BBX: variants seen among roughly 807,000 people sequenced by gnomAD.
BBX encodes HMG box transcription factor BBX.
A neutral mutation model predicts 100.2 loss-of-function variants in BBX; 30 were observed. That is an observed-to-expected ratio of 0.30 (90% CI 0.22 to 0.41). The LOEUF is 0.41. Ranked by LOEUF, BBX falls within the 10% of genes least tolerant of loss-of-function variation. The pLI, the probability that BBX is intolerant of heterozygous loss-of-function variation, is 1.00. For synonymous variants in BBX, 376 were observed against 388.1 expected (o/e 0.97, Z 0.37); for missense variants, 1,023 against 1,129.8 (o/e 0.91, Z 1.35).
intron 16 of BBX, among the ~76,000 whole-genome samples, chr3:107,800,439 A>T (rs529717089): frequency 6.6e-6 from 1 of 152,328 alleles, no homozygotes; most frequent in South Asian, 2.1e-4. Flanking sequence ...CAATTTTTTT[A>T]AAACTATGAT....
At chr3:107,650,378 C>T (rs569439271) in intron 3 of BBX, among the ~76,000 whole-genome samples, 1 of 152,038 alleles carries the variant, frequency 6.6e-6, no homozygotes, top group African/African-American at 2.4e-5. Context: ...AGTTTCATGC[C>T]CAAACCATCC....
Position 107,728,806 on chromosome 3 carries a change from G to T in BBX, c.447G>T (p.Trp149Cys), listed in dbSNP as rs377310696. The T allele has an allele frequency of 1.2e-6, 2 of 1,613,510 alleles. No homozygotes were observed. The highest frequency in any genetic ancestry group is 1.1e-5 in the South Asian group (1 of 91,026). ...TGAAAGCAAATCCTGGCTACAAATG[G>T]TGTCCTACCACAAACAAGCCTGTGA... is the stretch of plus-strand genomic sequence containing the variant. ...AFMKANPGYK[W>C]CPTTNKPVKS... The change falls in exon 6 of 18, where the codon TGG becomes TGT. Residue 149 changes from tryptophan to cysteine, a missense_variant. Coordinates refer to ENST00000325805, the MANE Select transcript of BBX (RefSeq NM_001142568.3).
intron 3 of BBX, among the ~76,000 whole-genome samples, chr3:107,692,577 T>G (rs1022648510): frequency 1.3e-5 from 2 of 152,168 alleles, no homozygotes; most frequent in Non-Finnish European, 2.9e-5. Context: ...TGTGCCACAT[T>G]TTCTTAATCC....
At position 107,806,573 on chromosome 3, in the gene BBX, G is replaced by C. The variant is rs2108078568; in HGVS notation, c.*1116G>C. On this transcript the variant is annotated 3_prime_UTR_variant, in exon 18 of 18. Coordinates refer to ENST00000325805, the MANE Select transcript of BBX (RefSeq NM_001142568.3). ...AGGTACTGAGTCAATGATGAGGGAG[G>C]TATGCCTGACCAGAGTGGGACTCTC... 6.6e-6 allele frequency: 1 copy of C among 152,288 alleles called. No homozygotes were observed. Among genetic ancestry groups the C allele is most frequent in the East Asian group, 1.9e-4 (1 of 5,188 alleles). The allele number at this position is 152,288 out of a possible 1,614,324, so 9.4% of individuals were successfully genotyped here.
chr3:107,779,579 G>A (rs776378783), intron 13 of BBX, among the ~76,000 whole-genome samples: 1 of 152,008 alleles, frequency 6.6e-6, no homozygotes, highest in Non-Finnish European at 1.5e-5. Context: ...GCTGCCTATT[G>A]CCTGCTTCAT....
At chr3:107,759,045 C>T (rs2065698099) in intron 10 of BBX, among the ~76,000 whole-genome samples, 1 of 152,236 alleles carries the variant, frequency 6.6e-6, no homozygotes, top group African/African-American at 2.4e-5. Flanking sequence ...ATATTTACTG[C>T]TGTGCCCTGT....
chr3:107,705,861 G>C (rs1406989086), intron 3 of BBX, among the ~76,000 whole-genome samples: 1 of 152,026 alleles, frequency 6.6e-6, no homozygotes, highest in Non-Finnish European at 1.5e-5. Context: ...GGTAGAGGCA[G>C]GATTCTAAAG....
chr3:107,779,294 C>T (rs2067630541), intron 13 of BBX, among the ~76,000 whole-genome samples: 1 of 151,684 alleles, frequency 6.6e-6, no homozygotes, highest in Admixed American at 6.6e-5. Flanking sequence ...AAACATCTTG[C>T]CCTTCAAGCA....
intron 2 of BBX, among the ~76,000 whole-genome samples, chr3:107,565,097 G>C (rs2050784084): frequency 6.6e-6 from 1 of 152,130 alleles, no homozygotes; most frequent in Non-Finnish European, 1.5e-5. Context: ...CATGATAAAG[G>C]GGATTTGTTT....
chr3:107,764,889 A>G (rs958338647), intron 10 of BBX, among the ~76,000 whole-genome samples: 1 of 152,178 alleles, frequency 6.6e-6, no homozygotes, highest in Non-Finnish European at 1.5e-5. Flanking sequence ...ATCCATGCAT[A>G]CATTTGTAAA....
At chr3:107,755,400 C>CT (rs1176075744) in intron 9 of BBX, among the ~76,000 whole-genome samples, 198 bp from the exon 10 acceptor site, 3 of 152,260 alleles carry the variant, frequency 2.0e-5, no homozygotes, top group Admixed American at 1.3e-4. Flanking sequence ...GCCATACCTA[C>CT]TTTTGTTATT....
At chr3:107,733,710 C>T (rs1198206568) in intron 7 of BBX, among the ~76,000 whole-genome samples, 1 of 152,136 alleles carries the variant, frequency 6.6e-6, no homozygotes, top group Non-Finnish European at 1.5e-5. Flanking sequence ...CTTCAGGGCT[C>T]AAGCGTCTTA....
At chr3:107,638,796 CA>C (rs2057018127) in intron 2 of BBX, among the ~76,000 whole-genome samples, 1 of 102,880 alleles carries the variant, frequency 9.7e-6, no homozygotes, top group Non-Finnish European at 2.2e-5. Context: ...CACACACACA[CA>C]CACACACACA....
intron 2 of BBX, among the ~76,000 whole-genome samples, chr3:107,643,503 G>A (rs1424536821): frequency 6.6e-6 from 1 of 152,050 alleles, no homozygotes; most frequent in Non-Finnish European, 1.5e-5. Context: ...CAGGAGTCAG[G>A]AAGCCAAGGC....
At chr3:107,647,657 G>A (rs895993206) in intron 3 of BBX, among the ~76,000 whole-genome samples, 1 of 152,146 alleles carries the variant, frequency 6.6e-6, no homozygotes, top group Non-Finnish European at 1.5e-5. Flanking sequence ...ATGTTACTTG[G>A]CAAAAGGATG....
intron 13 of BBX, among the ~76,000 whole-genome samples, chr3:107,779,006 TATATATATATATATAC>T (rs1256061379): frequency 2.8e-5 from 2 of 71,290 alleles, no homozygotes; most frequent in African/African-American, 8.6e-5. Context: ...TATATATATA[TATATATATATATATAC>T]ACACACACAC....
intron 4 of BBX, among the ~76,000 whole-genome samples, chr3:107,711,099 GGCATCAGGCCTCA>G (rs540396522): frequency 5.9e-5 from 9 of 152,132 alleles, no homozygotes; most frequent in Non-Finnish European, 1.3e-4. Flanking sequence ...TCCTTTCTCT[GGCATCAGGCCTCA>G]GCAGCTGGCT....
At position 107,772,771 on chromosome 3, in the gene BBX, A is replaced by G; in HGVS notation, c.1050A>G (p.Leu350=). ...TGGAGAAAACAGATGAAACTAGGTT[A>G]CAGAAGGAAGCAGAATTTGAAAAAT... The part of the protein sequence containing the change: ...IKMEKTDETR[L]QKEAEFEKSA... Residue 350 remains leucine, a synonymous_variant, in exon 11 of 18, where the codon TTA becomes TTG. Transcript: ENST00000325805. 3 of 1,613,356 alleles carry G rather than the reference A, an allele frequency of 1.9e-6. No individual in the cohort carries two copies. The highest frequency in any genetic ancestry group is 2.5e-6 in the Non-Finnish European group (3 of 1,179,826).
At chr3:107,662,064 A>G (rs2058475449) in intron 3 of BBX, 1 of 230,764 alleles carries the variant, frequency 4.3e-6, no homozygotes. Flanking sequence ...AACTCTTGTC[A>G]GTGGTTCTTG....
Sources: allele counts gnomAD v4.1 joint callset (sites outside exome capture counted in the v4.1 genomes callset), GRCh38; gene constraint gnomAD v4.1.1; transcripts MANE v1.5; gene names NCBI Gene and HGNC (gene_info 2026-07-23, HGNC 2026-07-21).